Variants in UAP1 observed in about 807,000 individuals in gnomAD.
UAP1 encodes UDP-N-acetylhexosamine pyrophosphorylase.
Under a neutral mutation model 58.5 loss-of-function variants are expected in UAP1, and 25 were observed. The ratio of observed to expected loss-of-function variants is 0.43; its 90% CI spans 0.31 to 0.60. The LOEUF is 0.60. Ranked by LOEUF, UAP1 falls within the 20% of genes least tolerant of loss-of-function variation. The pLI is 0.11. For missense variants in UAP1, 575 were observed against 630.0 expected (o/e 0.91, Z 0.93); for synonymous variants, 208 against 213.0 (o/e 0.98, Z 0.21).
At chr1:162,565,293 G>A (rs12125308) in intron 1 of UAP1, among the ~76,000 whole-genome samples, 1 of 151,992 alleles carries the variant, frequency 6.6e-6, no homozygotes, top group Non-Finnish European at 1.5e-5. Flanking sequence ...TTATTTTTTA[G>A]CACTATGAAG....
intron 6 of UAP1, chr1:162,588,002 A>C (rs1655011163): frequency 5.3e-6 from 1 of 188,142 alleles, no homozygotes; most frequent in Non-Finnish European, 1.1e-5. Context: ...CTTTTTAAAA[A>C]TACAGATGTT....
chr1:162,581,871 G>A (rs1257303581), intron 5 of UAP1, among the ~76,000 whole-genome samples: 4 of 152,172 alleles, frequency 2.6e-5, no homozygotes, highest in South Asian at 2.1e-4. Context: ...GGTATCTTAC[G>A]ATGTTCTTTC....
At chr1:162,598,175 T>C (rs1175207884) in intron 10 of UAP1, among the ~76,000 whole-genome samples, 2 of 151,932 alleles carry the variant, frequency 1.3e-5, no homozygotes, top group Non-Finnish European at 2.9e-5. Context: ...GAGACCAGCC[T>C]GGGCAATATA....
intron 2 of UAP1, among the ~76,000 whole-genome samples, chr1:162,570,126 T>G (rs79138653): frequency 0.13 from 20,336 of 151,112 alleles, 1,518 homozygotes; most frequent in Middle Eastern, 0.16. Flanking sequence ...TCCAGCCTGG[T>G]TGACAGAGCG....
chr1:162,595,109 A>G (rs1434976820), intron 9 of UAP1, among the ~76,000 whole-genome samples: 1 of 152,206 alleles, frequency 6.6e-6, no homozygotes, highest in Non-Finnish European at 1.5e-5. Flanking sequence ...ATGCATGGCT[A>G]AAGAATTGTG....
chr1:162,567,690 T>C (rs1325815130), intron 2 of UAP1, among the ~76,000 whole-genome samples: 2 of 152,242 alleles, frequency 1.3e-5, no homozygotes, highest in African/African-American at 2.4e-5. Context: ...GACATTATTT[T>C]ATTGCAAAAA....
At chr1:162,597,750 T>G (rs192890716) in intron 9 of UAP1, 42 bp from the exon 10 acceptor site, 1 of 1,557,926 alleles carries the variant, frequency 6.4e-7, no homozygotes, top group Non-Finnish European at 8.8e-7. Flanking sequence ...GCAAGTAACA[T>G]GGGAAGCAAA....
exon 5 of UAP1, chr1:162,581,459 G>A (rs1557972733): frequency 6.2e-7 from 1 of 1,612,880 alleles, no homozygotes; most frequent in Non-Finnish European, 8.5e-7. Context: ...GTGGAGCAAA[G>A]GTAATGCCTT....
intron 2 of UAP1, among the ~76,000 whole-genome samples, chr1:162,568,081 A>C (rs1016495481): frequency 6.6e-6 from 1 of 152,200 alleles, no homozygotes; most frequent in African/African-American, 2.4e-5. Context: ...TACAGGTATG[A>C]GCCACCGTGC....
chr1:162,588,193 G>A (rs1655029285), intron 6 of UAP1: 1 of 154,160 alleles, frequency 6.5e-6, no homozygotes, highest in South Asian at 2.0e-4. Flanking sequence ...TGCTACAAAG[G>A]ATAAAATAAG....
At chr1:162,567,211 C>T (rs1653570212) in intron 2 of UAP1, among the ~76,000 whole-genome samples, 1 of 152,140 alleles carries the variant, frequency 6.6e-6, no homozygotes, top group Non-Finnish European at 1.5e-5. Flanking sequence ...TTATCTATGA[C>T]CTTTTCTTTT....
rs765963106 is a variant in UAP1 at position 162,599,303 on chromosome 1, C to T, written c.1509C>T (p.Phe503=). 178 of 1,612,296 alleles carry T rather than the reference C, an allele frequency of 1.1e-4. 1 individual carries two copies. Among genetic ancestry groups the T allele is most frequent in the South Asian group, 4.1e-4 (37 of 90,942 alleles). ...AAAGTTATGTGGCAGATAAAGAATTCCATGCACCTCTAATCATCGATGAGA... is the reference window on the plus strand; with the variant it reads ...AAAGTTATGTGGCAGATAAAGAATTTCATGCACCTCTAATCATCGATGAGA... Residue 503 remains phenylalanine, a synonymous_variant, in exon 11 of 11, where the codon TTC becomes TTT. Coordinates refer to ENST00000271469, the Ensembl canonical transcript of UAP1.
At chr1:162,592,563 T>C (rs1183067526) in intron 8 of UAP1, among the ~76,000 whole-genome samples, 169 bp from the exon 9 acceptor site, 1 of 152,162 alleles carries the variant, frequency 6.6e-6, no homozygotes, top group East Asian at 1.9e-4. Flanking sequence ...GTTTCATCTT[T>C]GGCCATTGAG....
intron 1 of UAP1, among the ~76,000 whole-genome samples, chr1:162,563,450 C>T (rs1326681998): frequency 1.3e-5 from 2 of 151,970 alleles, no homozygotes; most frequent in Non-Finnish European, 2.9e-5. Flanking sequence ...CTACAACCTC[C>T]GCCTCCCCGG....
At chr1:162,577,435 C>CTTTTT (rs67627704) in intron 3 of UAP1, among the ~76,000 whole-genome samples, 36 of 95,212 alleles carry the variant, frequency 3.8e-4, no homozygotes, top group African/African-American at 4.3e-4. Context: ...AGTTCCTTCC[C>CTTTTT]TTTTTTTTTT....
chr1:162,567,825 C>G (rs1018193793), intron 2 of UAP1, among the ~76,000 whole-genome samples: 1 of 152,082 alleles, frequency 6.6e-6, no homozygotes. Flanking sequence ...TTGAGACAGC[C>G]TCGCTTTGTT....
At position 162,587,672 on chromosome 1, in the gene UAP1, T is replaced by G; in HGVS notation, c.1028+4T>G. 6.2e-7 allele frequency: 1 copy of G among 1,608,406 alleles called. No individual in the cohort carries two copies. On this transcript the variant is annotated splice_donor_region_variant and intron_variant, in intron 6 of 10. Coordinates refer to ENST00000271469, the Ensembl canonical transcript of UAP1. ...CATTTCTGAGAGATGTTGTCAAGTA[T>G]GGGCAAGATGGGGGCCTTTTAAAAT...
intron 5 of UAP1, among the ~76,000 whole-genome samples, chr1:162,585,574 C>T (rs1030318817): frequency 6.6e-6 from 1 of 152,110 alleles, no homozygotes; most frequent in Non-Finnish European, 1.5e-5. Context: ...TACTTTATAT[C>T]TTTTCTGTAT....
intron 10 of UAP1, 56 bp from the exon 11 acceptor site, chr1:162,599,215 C>T: frequency 1.7e-6 from 2 of 1,158,140 alleles, no homozygotes; most frequent in South Asian, 2.6e-5. Flanking sequence ...GCAAGTCCAG[C>T]ACTGCATGAC....
Sources: gnomAD v4.1 joint callset for allele counts (sites outside exome capture counted in the v4.1 genomes callset) on GRCh38, gnomAD v4.1.1 for gene constraint, MANE v1.5 for transcripts, NCBI Gene and HGNC (gene_info 2026-07-23, HGNC 2026-07-21) for gene names.